PRIM2: variants seen among roughly 807,000 people sequenced by gnomAD.
The protein encoded by PRIM2 is DNA primase large subunit.
In PRIM2, 39 loss-of-function variants were observed where a neutral mutation model predicts 67.3. The observed-to-expected ratio is 0.58, with a 90% CI of 0.45 to 0.76. The LOEUF is 0.76. Ranked by LOEUF, PRIM2 falls within the 30% of genes least tolerant of loss-of-function variation. The probability of loss-of-function intolerance (pLI) is 0.00; values close to 1 mark genes in which losing one functional copy is unlikely to be tolerated. For synonymous variants in PRIM2, 143 were observed against 198.7 expected (o/e 0.72, Z 2.36); for missense variants, 398 against 598.7 (o/e 0.66, Z 3.50).
At chr6:57,439,703 C>T (rs1209894520) in intron 7 of PRIM2, among the ~76,000 whole-genome samples, 2 of 152,016 alleles carry the variant, frequency 1.3e-5, no homozygotes, top group East Asian at 3.9e-4. Flanking sequence ...GCCTGAGCCA[C>T]CGTGCCTGGC....
Position 57,507,395 on chromosome 6 carries a change from C to T in PRIM2, c.702C>T (p.Ala234=). The change falls in exon 8 of 14, where the codon GCC becomes GCT. Residue 234 remains alanine, a synonymous_variant. Transcript: ENST00000615550. ...AKLSKALALT[A]RSLPAVQSDE... ...TTCTTCCCTGCTTTTAGTTAACAGC[C>T]AGGTCCTTGCCTGCTGTGCAGTCTG... 7 of 1,536,984 alleles carry T rather than the reference C, an allele frequency of 4.6e-6. No individual in the cohort carries two copies. The highest frequency in any genetic ancestry group is 6.1e-6 in the Non-Finnish European group (7 of 1,142,800).
At chr6:57,325,638 G>A (rs974050406) in intron 4 of PRIM2, among the ~76,000 whole-genome samples, 1 of 152,144 alleles carries the variant, frequency 6.6e-6, no homozygotes, top group Non-Finnish European at 1.5e-5. Flanking sequence ...TACATTAAAT[G>A]CATGAAGTAT....
intron 11 of PRIM2, among the ~76,000 whole-genome samples, chr6:57,602,495 T>C (rs1156997982): frequency 1.3e-5 from 2 of 152,180 alleles, no homozygotes; most frequent in Non-Finnish European, 2.9e-5. Context: ...TTATGTCTTC[T>C]AAAGTTTGAA....
chr6:57,458,400 T>C (rs370615221), intron 7 of PRIM2, among the ~76,000 whole-genome samples: 5,035 of 152,236 alleles, frequency 0.033, 278 homozygotes, highest in African/African-American at 0.11. Context: ...ACTGTGATTA[T>C]AGAGTGGGTG....
intron 10 of PRIM2, among the ~76,000 whole-genome samples, chr6:57,591,172 GATAGTA>G (rs1355066675): frequency 6.6e-6 from 1 of 152,210 alleles, no homozygotes; most frequent in African/African-American, 2.4e-5. Flanking sequence ...TAGTTTAATA[GATAGTA>G]ATTGAGTAAT....
chr6:57,572,428 A>G (rs1312475483), intron 10 of PRIM2, among the ~76,000 whole-genome samples: 2 of 152,158 alleles, frequency 1.3e-5, no homozygotes, highest in Non-Finnish European at 2.9e-5. Flanking sequence ...TGTCACCTCA[A>G]TTTAAGAGCT....
chr6:57,595,892 C>T (rs1193986585), intron 10 of PRIM2, among the ~76,000 whole-genome samples: 27,958 of 151,762 alleles, frequency 0.18, 2,721 homozygotes, highest in South Asian at 0.22. Flanking sequence ...TTTTTCAGCC[C>T]CCTCCTTTTC....
intron 7 of PRIM2, among the ~76,000 whole-genome samples, chr6:57,406,200 T>C (rs553373061): frequency 7.9e-4 from 120 of 152,246 alleles, no homozygotes; most frequent in African/African-American, 2.7e-3. Context: ...CTGCTTTTTT[T>C]TTCCTTCTTA....
chr6:57,465,560 C>T (rs550550172), intron 7 of PRIM2, among the ~76,000 whole-genome samples: 9 of 152,180 alleles, frequency 5.9e-5, no homozygotes, highest in African/African-American at 2.2e-4. Flanking sequence ...GACTCTCGTG[C>T]TAGACTGACT....
intron 7 of PRIM2, among the ~76,000 whole-genome samples, chr6:57,458,329 T>C (rs1265962851): frequency 6.6e-6 from 1 of 152,220 alleles, no homozygotes. Flanking sequence ...GCAAGTTATC[T>C]GGCTACAGAG....
At chr6:57,570,360 A>G (rs1409093610) in intron 10 of PRIM2, among the ~76,000 whole-genome samples, 1 of 152,160 alleles carries the variant, frequency 6.6e-6, no homozygotes, top group Non-Finnish European at 1.5e-5. Flanking sequence ...GAGCTTTATC[A>G]TTTCTTTTGT....
intron 7 of PRIM2, among the ~76,000 whole-genome samples, chr6:57,414,297 T>G (rs1305111043): frequency 6.6e-6 from 1 of 152,168 alleles, no homozygotes; most frequent in African/African-American, 2.4e-5. Flanking sequence ...TTGAGAAACA[T>G]AGATCCATCT....
chr6:57,506,222 T>C (rs1359863695), intron 7 of PRIM2, among the ~76,000 whole-genome samples: 3 of 152,000 alleles, frequency 2.0e-5, no homozygotes, highest in Admixed American at 2.0e-4. Context: ...GTATTTTAAA[T>C]TAGTAACTGT....
intron 7 of PRIM2, among the ~76,000 whole-genome samples, chr6:57,394,568 G>A (rs1770458023): frequency 6.6e-6 from 1 of 152,104 alleles, no homozygotes; most frequent in Non-Finnish European, 1.5e-5. Context: ...CTTTCTGGAG[G>A]AGTCCTTAGG....
At chr6:57,451,898 C>T (rs1257358079) in intron 7 of PRIM2, among the ~76,000 whole-genome samples, 1 of 151,646 alleles carries the variant, frequency 6.6e-6, no homozygotes, top group Non-Finnish European at 1.5e-5. Flanking sequence ...CGTCATTTAA[C>T]ATTAGGTATA....
In PRIM2 at chr6:57,509,270, A is replaced by T. The variant is rs1441337567; in HGVS notation, c.761+1816A>T. Reference sequence around the variant, plus strand: ...AAGTCTAATATTTCAGCAGGGACTGAATAGCATACATTTTTATGTATAACA... The same window carrying T: ...AAGTCTAATATTTCAGCAGGGACTGTATAGCATACATTTTTATGTATAACA... On this transcript the variant is annotated intron_variant, in intron 8 of 13. Transcript: ENST00000615550. Among the ~76,000 whole-genome samples the T allele has an allele frequency of 1.4e-3, 207 of 152,080 alleles. 2 individuals are homozygous for T. In the East Asian group the frequency reaches 0.032, roughly 24 times the overall value.
At chr6:57,457,021 C>A (rs371051479) in intron 7 of PRIM2, among the ~76,000 whole-genome samples, 3 of 152,188 alleles carry the variant, frequency 2.0e-5, no homozygotes, top group Non-Finnish European at 2.9e-5. Flanking sequence ...GGACCCTCAG[C>A]TGCAGGTCTG....
intron 10 of PRIM2, among the ~76,000 whole-genome samples, chr6:57,554,615 T>C (rs1175618676): frequency 0.011 from 1,603 of 152,252 alleles, 30 homozygotes; most frequent in African/African-American, 0.037. Context: ...ATAGCAGGGA[T>C]TCTATCTTAA....
At chr6:57,497,555 A>G (rs1774031892) in intron 7 of PRIM2, 1 of 152,166 alleles carries the variant, frequency 6.6e-6, no homozygotes, top group African/African-American at 2.4e-5. Flanking sequence ...AACTGGAAAT[A>G]TCTTGTTAAC....
Sources: allele counts gnomAD v4.1 joint callset (sites outside exome capture counted in the v4.1 genomes callset), GRCh38; gene constraint gnomAD v4.1.1; transcripts MANE v1.5; gene names NCBI Gene and HGNC (gene_info 2026-07-23, HGNC 2026-07-21).